The following GRM1 variants were observed in gnomAD, a reference collection of about 807,000 sequenced individuals.
GRM1 encodes the protein metabotropic glutamate receptor 1.
GRM1 carries 33 observed loss-of-function variants against 90.9 expected under a neutral mutation model. The observed-to-expected ratio is 0.36, with a 90% CI of 0.28 to 0.49. The LOEUF is 0.49. Among genes scored for constraint, GRM1 ranks in the 20% least tolerant of loss-of-function variants. The pLI, the probability that GRM1 is intolerant of heterozygous loss-of-function variation, is 0.99. For missense variants in GRM1, 1,190 were observed against 1,534.3 expected (o/e 0.78, Z 3.75); for synonymous variants, 700 against 613.2 (o/e 1.14, Z -2.09).
intron 6 of GRM1, among the ~76,000 whole-genome samples, chr6:146,390,300 G>T (rs1452283603): frequency 6.7e-6 from 1 of 150,214 alleles, no homozygotes; most frequent in Non-Finnish European, 1.5e-5. Flanking sequence ...GGTTTTTTTT[G>T]GCTATGAAGA....
intron 1 of GRM1, among the ~76,000 whole-genome samples, chr6:146,062,147 G>A (rs1388085448): frequency 1.3e-5 from 2 of 152,060 alleles, no homozygotes; most frequent in African/African-American, 4.8e-5. Context: ...TATACACCAG[G>A]GAATACTATG....
intron 7 of GRM1, among the ~76,000 whole-genome samples, chr6:146,406,844 A>G (rs572538630): frequency 2.4e-4 from 37 of 152,184 alleles, no homozygotes; most frequent in African/African-American, 8.9e-4. Context: ...CCAAAACAAC[A>G]ACAAACAACA....
chr6:146,102,498 A>C (rs1347906299), intron 1 of GRM1, among the ~76,000 whole-genome samples: 1 of 152,218 alleles, frequency 6.6e-6, no homozygotes, highest in Non-Finnish European at 1.5e-5. Flanking sequence ...CTCATTCCAG[A>C]AAACTGGTAA....
intron 2 of GRM1, among the ~76,000 whole-genome samples, chr6:146,160,922 T>G (rs1172224205): frequency 6.6e-6 from 1 of 152,196 alleles, no homozygotes; most frequent in African/African-American, 2.4e-5. Context: ...AGAGTCAACT[T>G]GGCGTCTTCA....
chr6:146,257,208 A>G (rs894034687), intron 2 of GRM1, among the ~76,000 whole-genome samples: 2 of 152,164 alleles, frequency 1.3e-5, no homozygotes, highest in Admixed American at 6.6e-5. Flanking sequence ...AAGTGTATAT[A>G]TAGGCATCCT....
At chr6:146,264,487 G>C (rs975610782) in intron 2 of GRM1, among the ~76,000 whole-genome samples, 3 of 151,666 alleles carry the variant, frequency 2.0e-5, no homozygotes, top group African/African-American at 7.3e-5. Flanking sequence ...CAGTGCAATT[G>C]AAAATTAAGT....
chr6:146,261,570 C>T (rs948779933), intron 2 of GRM1, among the ~76,000 whole-genome samples: 2 of 152,082 alleles, frequency 1.3e-5, no homozygotes, highest in African/African-American at 4.8e-5. Flanking sequence ...ATTAATTTAA[C>T]ATTAATTTAA....
rs572279053 is a variant in GRM1 at position 146,159,637 on chromosome 6, T to A, written c.950+40T>A. 0.072 allele frequency: 90,615 copies of A among 1,259,666 alleles called. 5,812 individuals are homozygous for A. Among genetic ancestry groups the A allele is most frequent in the African/African-American group, 0.32 (17,314 of 54,204 alleles). 78.0% of individuals were successfully genotyped at this position (1,259,666 alleles called of 1,614,324 possible). ...CTCTCTCTCTCTCTCTCTCTCTCTC[T>A]CTCTCACACACACACATGCACACAC... is the stretch of plus-strand genomic sequence containing the variant. On this transcript the variant is annotated intron_variant, in intron 2 of 7. Coordinates refer to ENST00000282753, the MANE Select transcript of GRM1 (RefSeq NM_001278064.2).
intron 3 of GRM1, among the ~76,000 whole-genome samples, chr6:146,331,601 GAAAC>G (rs1034422203): frequency 2.6e-5 from 4 of 152,054 alleles, no homozygotes; most frequent in Admixed American, 6.6e-5. Context: ...CTCCTGTTAG[GAAAC>G]AAACAGAGTT....
At chr6:146,168,777 T>C (rs1778001201) in intron 2 of GRM1, among the ~76,000 whole-genome samples, 2 of 152,090 alleles carry the variant, frequency 1.3e-5, no homozygotes, top group Non-Finnish European at 2.9e-5. Flanking sequence ...TATTACTTAA[T>C]TATACTTTGA....
chr6:146,199,389 T>G (rs1482783722), intron 2 of GRM1, among the ~76,000 whole-genome samples: 1 of 152,210 alleles, frequency 6.6e-6, no homozygotes, highest in African/African-American at 2.4e-5. Context: ...CCAGTGTTCT[T>G]GCTGGGATAG....
intron 5 of GRM1, among the ~76,000 whole-genome samples, chr6:146,366,267 A>C (rs1481165284): frequency 6.6e-6 from 1 of 152,204 alleles, no homozygotes. Flanking sequence ...TAAAACATGC[A>C]CACAATGTGT....
chr6:146,342,820 G>T (rs564297016), intron 3 of GRM1, among the ~76,000 whole-genome samples: 3 of 152,184 alleles, frequency 2.0e-5, no homozygotes, highest in Non-Finnish European at 2.9e-5. Flanking sequence ...TTAAAGAAAA[G>T]TTGCAAAGAT....
chr6:146,195,573 G>T (rs1271821431), intron 2 of GRM1, among the ~76,000 whole-genome samples: 1 of 152,138 alleles, frequency 6.6e-6, no homozygotes, highest in East Asian at 1.9e-4. Flanking sequence ...CCCTGTGTGG[G>T]GAGATACCCA....
intron 1 of GRM1, among the ~76,000 whole-genome samples, chr6:146,120,865 C>T (rs192081767): frequency 1.1e-4 from 16 of 152,188 alleles, no homozygotes; most frequent in South Asian, 2.1e-4. Context: ...ATTTTTGCAT[C>T]GATGTTCATC....
At chr6:146,211,125 G>GA (rs79645759) in intron 2 of GRM1, among the ~76,000 whole-genome samples, 13,176 of 137,778 alleles carry the variant, frequency 0.096, 924 homozygotes, top group African/African-American at 0.21. Context: ...ATATAGGGAA[G>GA]AAAAAAAAAA....
At chr6:146,265,661 G>C (rs1043677495) in intron 2 of GRM1, among the ~76,000 whole-genome samples, 3 of 152,104 alleles carry the variant, frequency 2.0e-5, no homozygotes, top group Non-Finnish European at 2.9e-5. Flanking sequence ...CATAGCTTCA[G>C]GTCCTACATT....
At chr6:146,067,404 A>G (rs1775884327) in intron 1 of GRM1, among the ~76,000 whole-genome samples, 1 of 152,206 alleles carries the variant, frequency 6.6e-6, no homozygotes. Context: ...TCTTAGACAT[A>G]TATTTTACTT....
At chr6:146,181,922 C>T (rs1018842323) in intron 2 of GRM1, among the ~76,000 whole-genome samples, 2 of 151,968 alleles carry the variant, frequency 1.3e-5, no homozygotes, top group African/African-American at 2.4e-5. Context: ...AAAGATTATT[C>T]TTGGAACACA....
Sources: allele counts gnomAD v4.1 joint callset (sites outside exome capture counted in the v4.1 genomes callset), GRCh38; gene constraint gnomAD v4.1.1; transcripts MANE v1.5; gene names NCBI Gene and HGNC (gene_info 2026-07-23, HGNC 2026-07-21).